Variants in ROBO2 observed in about 807,000 individuals in gnomAD.
The protein encoded by ROBO2 is roundabout guidance receptor 2, also known as roundabout homolog 2.
Under a neutral mutation model 160.8 loss-of-function variants are expected in ROBO2, and 53 were observed. The observed-to-expected ratio is 0.33, with a 90% CI of 0.26 to 0.41. The LOEUF (loss-of-function observed/expected upper bound fraction) is 0.41, where lower values mean the gene tolerates loss of function less well. Among genes scored for constraint, ROBO2 ranks in the 10% least tolerant of loss-of-function variants. The pLI is 1.00. For synonymous variants in ROBO2, 664 were observed against 611.7 expected (o/e 1.09, Z -1.26); for missense variants, 1,577 against 1,722.4 (o/e 0.92, Z 1.49).
chr3:76,205,073 T>C (rs1702735457), intron 2 of ROBO2, among the ~76,000 whole-genome samples: 1 of 152,104 alleles, frequency 6.6e-6, no homozygotes. Context: ...ACAACTAGTA[T>C]AATTAGTTAA....
intron 23 of ROBO2, among the ~76,000 whole-genome samples, chr3:77,623,565 CT>C (rs1367716326): frequency 2.6e-5 from 4 of 152,158 alleles, no homozygotes; most frequent in African/African-American, 9.7e-5. Context: ...AGTTTTTCTT[CT>C]TATCCAGGGG....
At chr3:76,924,050 G>A (rs1047337909) in intron 2 of ROBO2, among the ~76,000 whole-genome samples, 1 of 151,976 alleles carries the variant, frequency 6.6e-6, no homozygotes, top group Non-Finnish European at 1.5e-5. Flanking sequence ...CCACTTCTCC[G>A]TGAATAAACT....
intron 2 of ROBO2, among the ~76,000 whole-genome samples, chr3:77,237,411 T>TGTG (rs1553862752): frequency 9.9e-5 from 13 of 131,046 alleles, no homozygotes; most frequent in African/African-American, 3.6e-4. Context: ...TTGTTTTGTT[T>TGTG]TGTGTGTGTG....
intron 2 of ROBO2, among the ~76,000 whole-genome samples, chr3:77,443,634 A>C (rs997539715): frequency 6.6e-6 from 1 of 151,904 alleles, no homozygotes; most frequent in African/African-American, 2.4e-5. Flanking sequence ...AAATACTATA[A>C]TTTTTTTTCC....
At chr3:76,391,397 G>T (rs1385309316) in intron 2 of ROBO2, among the ~76,000 whole-genome samples, 1 of 152,184 alleles carries the variant, frequency 6.6e-6, no homozygotes. Flanking sequence ...TGGAATATGT[G>T]TAGAAATGTG....
chr3:77,131,062 CA>C (rs1560075820), intron 2 of ROBO2, among the ~76,000 whole-genome samples: 1 of 152,048 alleles, frequency 6.6e-6, no homozygotes, highest in Non-Finnish European at 1.5e-5. Flanking sequence ...CACTGCCAGC[CA>C]AAAGTGAAAA....
chr3:76,699,669 A>G (rs760009131), intron 2 of ROBO2, among the ~76,000 whole-genome samples: 4 of 152,180 alleles, frequency 2.6e-5, no homozygotes, highest in Non-Finnish European at 5.9e-5. Flanking sequence ...TTAAAAGCAC[A>G]TATCCTTTGA....
intron 2 of ROBO2, among the ~76,000 whole-genome samples, chr3:76,759,646 G>C (rs766878323): frequency 6.7e-6 from 1 of 148,806 alleles, no homozygotes; most frequent in African/African-American, 2.6e-5. Flanking sequence ...TGGAATTTCA[G>C]AAATGTCTGT....
chr3:75,963,968 G>T (rs1949016296), intron 2 of ROBO2, among the ~76,000 whole-genome samples: 2 of 151,744 alleles, frequency 1.3e-5, no homozygotes, highest in Admixed American at 1.3e-4. Flanking sequence ...ATCCGAATAT[G>T]GTTACTTTCA....
At chr3:77,410,552 T>TCC (rs2076637815) in intron 2 of ROBO2, among the ~76,000 whole-genome samples, 6 of 49,160 alleles carry the variant, frequency 1.2e-4, no homozygotes, top group Non-Finnish European at 2.2e-4. Context: ...CTTCCTCCTC[T>TCC]TCTTCCTCCT....
chr3:76,841,774 C>A (rs911947120), intron 2 of ROBO2, among the ~76,000 whole-genome samples: 8 of 152,148 alleles, frequency 5.3e-5, no homozygotes, highest in Non-Finnish European at 8.8e-5. Flanking sequence ...ATCTTTTCTA[C>A]ATAAATCTAA....
chr3:77,643,550 T>C (rs1382233812), intron 24 of ROBO2, among the ~76,000 whole-genome samples: 1 of 152,134 alleles, frequency 6.6e-6, no homozygotes, highest in Non-Finnish European at 1.5e-5. Flanking sequence ...ATTTCATTGT[T>C]TGTAGTTAGA....
chr3:76,069,155 T>C (rs2068360205), intron 2 of ROBO2, among the ~76,000 whole-genome samples: 1 of 152,230 alleles, frequency 6.6e-6, no homozygotes, highest in Non-Finnish European at 1.5e-5. Flanking sequence ...GAATTGTACA[T>C]TGAGCCACCT....
chr3:76,058,543 TTGA>T (rs1272299276), intron 2 of ROBO2, among the ~76,000 whole-genome samples: 1 of 151,010 alleles, frequency 6.6e-6, no homozygotes, highest in Non-Finnish European at 1.5e-5. Context: ...CGATTTCCAC[TTGA>T]TGAACGTTGC....
In ROBO2 at chr3:77,558,423, A is replaced by ACACAT. The variant is rs200919693; in HGVS notation, c.1437+275_1437+279dup. 1.3e-3 allele frequency among the ~76,000 whole-genome samples: 193 copies of ACACAT among 152,232 alleles called. 4 individuals are homozygous for ACACAT. In the East Asian group the frequency reaches 0.03, roughly 23 times the overall value. On this transcript the variant is annotated intron_variant, in intron 9 of 25. Coordinates refer to ENST00000461745, the Ensembl canonical transcript of ROBO2. ...CAGTCAACAAATCTAGAAATCTTAA[A>ACACAT]CACATAGCATTAATATGAGTAGTAG...
chr3:77,110,743 G>C (rs1303852441), intron 2 of ROBO2, among the ~76,000 whole-genome samples: 1 of 151,520 alleles, frequency 6.6e-6, no homozygotes, highest in Non-Finnish European at 1.5e-5. Flanking sequence ...ACTCAGGCTG[G>C]AGTGCAGTGG....
intron 2 of ROBO2, among the ~76,000 whole-genome samples, chr3:76,288,630 G>A (rs139064155): frequency 0.031 from 4,666 of 151,962 alleles, 96 homozygotes; most frequent in South Asian, 0.061. Context: ...TTCAATCTTC[G>A]CTCTCATCCC....
chr3:75,930,901 C>T (rs1165066306), intron 1 of ROBO2, among the ~76,000 whole-genome samples: 1 of 152,202 alleles, frequency 6.6e-6, no homozygotes, highest in East Asian at 1.9e-4. Context: ...TTAGGCTCAT[C>T]CTTAGTCAAC....
intron 2 of ROBO2, among the ~76,000 whole-genome samples, chr3:76,831,296 C>A (rs758671661): frequency 1.2e-4 from 18 of 152,166 alleles, no homozygotes; most frequent in Middle Eastern, 3.4e-3. Context: ...ATTTTCAAAT[C>A]AAAAATATGC....
Sources: allele counts gnomAD v4.1 joint callset (sites outside exome capture counted in the v4.1 genomes callset), GRCh38; gene constraint gnomAD v4.1.1; transcripts MANE v1.5; gene names NCBI Gene and HGNC (gene_info 2026-07-23, HGNC 2026-07-21).